Variants in NCKAP5 observed in about 807,000 individuals in gnomAD.
NCKAP5 encodes the protein NCK associated protein 5, also known as nck-associated protein 5.
In NCKAP5, 92 loss-of-function variants were observed where a neutral mutation model predicts 167.0. That is an observed-to-expected ratio of 0.55 (90% CI 0.47 to 0.66). The LOEUF is 0.66. Ranked by LOEUF, NCKAP5 falls within the 30% of genes least tolerant of loss-of-function variation. The pLI is 0.00. For synonymous variants in NCKAP5, 891 were observed against 877.4 expected, an observed-to-expected ratio of 1.02 and a Z score of -0.27; for missense variants, 2,378 against 2,315.0, an observed-to-expected ratio of 1.03 and a Z score of -0.56.
At chr2:133,476,901 A>G (rs1679967884) in intron 3 of NCKAP5, among the ~76,000 whole-genome samples, 1 of 152,220 alleles carries the variant, frequency 6.6e-6, no homozygotes, top group African/African-American at 2.4e-5. Context: ...TTCTTTCAGA[A>G]CAGCTTCTCA....
chr2:133,661,734 T>C, the NCKAP5 span, among the ~76,000 whole-genome samples: 2 of 152,074 alleles, frequency 1.3e-5, no homozygotes, highest in Non-Finnish European at 2.9e-5. Context: ...CTCCCAACCA[T>C]CCCCCCATAC....
At chr2:132,937,883 A>C (rs898095310) in intron 8 of NCKAP5, among the ~76,000 whole-genome samples, 1 of 152,258 alleles carries the variant, frequency 6.6e-6, no homozygotes, top group Non-Finnish European at 1.5e-5. Context: ...GCCAGGTTTC[A>C]GAAAATTAGC....
chr2:133,308,330 C>T (rs188300569), intron 3 of NCKAP5, among the ~76,000 whole-genome samples: 443 of 152,006 alleles, frequency 2.9e-3, no homozygotes, highest in African/African-American at 4.2e-3. Context: ...CCTTGTGATC[C>T]GCCCGCCTCG....
In NCKAP5 at chr2:132,724,851, C is replaced by A. The variant is rs933808878; in HGVS notation, c.5713+776G>T. ...CAAGATTCTCTGAAAACTGGAAATACACATGGCTACTAGATTATGTTTTTT... is the reference window on the plus strand; with the variant it reads ...CAAGATTCTCTGAAAACTGGAAATAAACATGGCTACTAGATTATGTTTTTT... On this transcript the variant is annotated intron_variant, in intron 19 of 19. Transcript: ENST00000409261. Among the ~76,000 whole-genome samples, 11 of 151,994 alleles carry A rather than the reference C, an allele frequency of 7.2e-5. No individual in the cohort carries two copies. The South Asian group carries it at 1.2e-3, about 17-fold the overall frequency.
chr2:133,505,661 C>T (rs1682940150), intron 3 of NCKAP5, among the ~76,000 whole-genome samples: 1 of 152,168 alleles, frequency 6.6e-6, no homozygotes, highest in African/African-American at 2.4e-5. Flanking sequence ...CTCACACAGG[C>T]AGTAGGAGGC....
At chr2:133,414,430 AT>A (rs1376191855) in intron 3 of NCKAP5, among the ~76,000 whole-genome samples, 1 of 152,082 alleles carries the variant, frequency 6.6e-6, no homozygotes, top group East Asian at 1.9e-4. Flanking sequence ...CCTAAAGGCA[AT>A]GCAGTGTTCC....
chr2:133,625,501 C>T, the NCKAP5 span, among the ~76,000 whole-genome samples: 1 of 152,114 alleles, frequency 6.6e-6, no homozygotes, highest in Admixed American at 6.5e-5. Context: ...TCTTGTCATA[C>T]AGAAAGCAAG....
rs183969079 is a variant in NCKAP5 at position 132,780,150 on chromosome 2, T to A, written c.5049+902A>T. Among the ~76,000 whole-genome samples the A allele has an allele frequency of 4.6e-5, 7 of 152,326 alleles. No individual in the cohort carries two copies. The East Asian group carries it at 1.3e-3, about 29-fold the overall frequency. ...AAAATATAAAAAATACTCTTTCATT[T>A]ATTTTTTATTTATTTTTTTGAGAAG... On this transcript the variant is annotated intron_variant, in intron 15 of 19. Transcript: ENST00000409261.
chr2:133,521,815 G>C (rs1176784448), intron 2 of NCKAP5, among the ~76,000 whole-genome samples: 2 of 152,286 alleles, frequency 1.3e-5, no homozygotes, highest in South Asian at 2.1e-4. Flanking sequence ...CAGGAGACAT[G>C]GTTCAGTCCA....
chr2:133,210,136 G>C (rs2086140736), intron 5 of NCKAP5, among the ~76,000 whole-genome samples: 1 of 136,512 alleles, frequency 7.3e-6, no homozygotes, highest in Non-Finnish European at 1.5e-5. Flanking sequence ...CTGCACTCTA[G>C]TCTGGGCAAC....
chr2:132,842,218 G>T (rs1688342690), intron 11 of NCKAP5, among the ~76,000 whole-genome samples: 1 of 151,978 alleles, frequency 6.6e-6, no homozygotes, highest in Non-Finnish European at 1.5e-5. Context: ...CAATTTGTTA[G>T]GACAGACATG....
intron 4 of NCKAP5, among the ~76,000 whole-genome samples, chr2:133,279,801 G>A (rs943474776): frequency 6.6e-6 from 1 of 152,156 alleles, no homozygotes; most frequent in African/African-American, 2.4e-5. Context: ...AGTTCCTGGG[G>A]CTTGGTAACA....
chr2:133,212,186 G>A (rs17800107), intron 5 of NCKAP5, among the ~76,000 whole-genome samples: 70,860 of 151,956 alleles, frequency 0.47, 16,941 homozygotes, highest in Non-Finnish European at 0.51. Flanking sequence ...CAACTAGAAC[G>A]TCGCTGACGA....
chr2:133,267,653 A>ATT (rs139560111), intron 4 of NCKAP5, among the ~76,000 whole-genome samples: 9 of 151,592 alleles, frequency 5.9e-5, no homozygotes, highest in African/African-American at 1.9e-4. Flanking sequence ...AGATTCGCAT[A>ATT]TTTTTTTTTC....
At chr2:133,385,196 C>T (rs1339074463) in intron 3 of NCKAP5, among the ~76,000 whole-genome samples, 2 of 152,136 alleles carry the variant, frequency 1.3e-5, no homozygotes, top group Non-Finnish European at 2.9e-5. Flanking sequence ...TCATAAATAG[C>T]TCTTATTATT....
At chr2:133,567,917 C>T (rs1688684832) in intron 1 of NCKAP5, among the ~76,000 whole-genome samples, 1 of 152,036 alleles carries the variant, frequency 6.6e-6, no homozygotes, top group African/African-American at 2.4e-5. Flanking sequence ...AAAACAAAAA[C>T]AAAACAAATG....
intron 8 of NCKAP5, among the ~76,000 whole-genome samples, chr2:132,960,779 T>C (rs1190791487): frequency 1.3e-5 from 2 of 152,030 alleles, no homozygotes; most frequent in Non-Finnish European, 2.9e-5. Flanking sequence ...AATATAGAAG[T>C]CATCTCTGCA....
intron 19 of NCKAP5, among the ~76,000 whole-genome samples, chr2:132,704,033 C>T (rs1470209131): frequency 6.6e-6 from 1 of 152,146 alleles, no homozygotes; most frequent in African/African-American, 2.4e-5. Flanking sequence ...CCTTCTCCTG[C>T]CCCTGAAACC....
intron 5 of NCKAP5, among the ~76,000 whole-genome samples, chr2:133,181,603 C>CAAAAAAAAAAAAAAAAAAAAAAAA (rs34264277): frequency 1.4e-5 from 1 of 71,152 alleles, no homozygotes; most frequent in African/African-American, 5.8e-5. Context: ...CCCATCTCTA[C>CAAAAAAAAAAAAAAAAAAAAAAAA]AAAAAAAAAA....
Sources: gnomAD v4.1 joint callset for allele counts (sites outside exome capture counted in the v4.1 genomes callset) on GRCh38, gnomAD v4.1.1 for gene constraint, MANE v1.5 for transcripts, NCBI Gene and HGNC (gene_info 2026-07-23, HGNC 2026-07-21) for gene names.